Variants in MUC17 observed in about 807,000 individuals in gnomAD.
The protein encoded by MUC17 is mucin 17, cell surface associated.
Under a neutral mutation model 170.3 loss-of-function variants are expected in MUC17, and 190 were observed. That is an observed-to-expected ratio of 1.12 (90% CI 0.99 to 1.26). The LOEUF (loss-of-function observed/expected upper bound fraction) is 1.26, where lower values mean the gene tolerates loss of function less well. Ranked by LOEUF, MUC17 falls within the 50% of genes most tolerant of loss-of-function variation. The pLI, the probability that MUC17 is intolerant of heterozygous loss-of-function variation, is 0.00. For missense variants in MUC17, 6,415 were observed against 5,530.0 expected (o/e 1.16, Z -5.08); for synonymous variants, 2,325 against 2,002.5 (o/e 1.16, Z -4.30).
intron 1 of MUC17, among the ~76,000 whole-genome samples, chr7:101,028,064 C>T (rs1366130330): frequency 6.6e-6 from 1 of 150,904 alleles, no homozygotes; most frequent in Non-Finnish European, 1.5e-5. Context: ...TGAGCCACTG[C>T]ACCTCACCCT....
At chr7:101,046,001 T>C (rs1794833923) in intron 3 of MUC17, among the ~76,000 whole-genome samples, 1 of 152,226 alleles carries the variant, frequency 6.6e-6, no homozygotes, top group Non-Finnish European at 1.5e-5. Flanking sequence ...CATCTGCTTC[T>C]GTTGTTTCTG....
intron 1 of MUC17, among the ~76,000 whole-genome samples, chr7:101,023,812 T>C (rs1048525255): frequency 1.3e-5 from 2 of 152,222 alleles, no homozygotes; most frequent in African/African-American, 4.8e-5. Context: ...CTGTTTTCTA[T>C]AGAGGTTGTA....
At chr7:101,055,519 T>C (rs1795030077) in intron 11 of MUC17, among the ~76,000 whole-genome samples, 1 of 152,064 alleles carries the variant, frequency 6.6e-6, no homozygotes, top group Non-Finnish European at 1.5e-5. Flanking sequence ...AATCTCGAAA[T>C]AGATAAAGCA....
At chr7:101,057,787 G>T (rs1795073712) in intron 12 of MUC17, among the ~76,000 whole-genome samples, 1 of 152,138 alleles carries the variant, frequency 6.6e-6, no homozygotes, top group African/African-American at 2.4e-5. Flanking sequence ...GGCTGAGGTG[G>T]GAGGATTGCT....
rs1317041106 is a variant in MUC17 at position 101,034,507 on chromosome 7, A to G, written c.3091A>G (p.Ser1031Gly). The G allele has an allele frequency of 2.5e-6, 4 of 1,613,732 alleles. No individual in the cohort carries two copies. Among genetic ancestry groups the G allele is most frequent in the Non-Finnish European group, 3.4e-6 (4 of 1,179,750 alleles). ...ACCTCCTCCCACTGCTGAAGGTACCAGCATGCCAACCTCAACTCCTAGTGA... is the reference window on the plus strand; with the variant it reads ...ACCTCCTCCCACTGCTGAAGGTACCGGCATGCCAACCTCAACTCCTAGTGA... The part of the protein sequence containing the change: ...SSPPPTAEGT[S>G]MPTSTPSEGS... Residue 1031 changes from serine (S) to glycine (G), a missense_variant, in exon 3 of 13, where the codon AGC (serine) becomes GGC (glycine). By Grantham distance (56) the Ser-to-Gly change is moderately conservative (BLOSUM62 0). Coordinates refer to ENST00000306151, the MANE Select transcript of MUC17 (RefSeq NM_001040105.2).
chr7:101,051,133 A>G (rs1451145705), intron 7 of MUC17, among the ~76,000 whole-genome samples: 1 of 152,088 alleles, frequency 6.6e-6, no homozygotes. Flanking sequence ...TGGGAGGCTG[A>G]GACGGGCAGA....
intron 1 of MUC17, among the ~76,000 whole-genome samples, chr7:101,029,894 CG>C (rs2116400946): frequency 6.6e-6 from 1 of 152,112 alleles, no homozygotes; most frequent in African/African-American, 2.4e-5. Context: ...CCACCGTGCC[CG>C]ACCTCTTTTA....
At chr7:101,052,057 G>A (rs1192387579) in intron 9 of MUC17, 95 bp downstream of exon 9, 9 of 1,427,672 alleles carry the variant, frequency 6.3e-6, no homozygotes, top group African/African-American at 2.8e-5. Context: ...GGAGACCAAG[G>A]TCATGGGACT....
rs780133290 is a variant in MUC17 at position 101,039,317 on chromosome 7, C to T, written c.7901C>T (p.Ser2634Leu). 1 of 1,611,410 alleles carries T rather than the reference C, an allele frequency of 6.2e-7. No homozygotes were observed. Among genetic ancestry groups the T allele is most frequent in the Non-Finnish European group, 8.5e-7 (1 of 1,179,076 alleles). ...PISTPSEVSTSLTSILVSTMP... is the reference protein window; with the variant it reads ...PISTPSEVSTLLTSILVSTMP... ...TCAACTCCTAGTGAAGTAAGTACTT[C>T]ATTAACAAGTATACTTGTCAGCACC... The change falls in exon 3 of 13, where the codon TCA becomes TTA. Residue 2634 changes from serine (S) to leucine (L), a missense_variant. Ser to Leu is a moderately radical substitution (Grantham distance 145). Coordinates refer to ENST00000306151, the MANE Select transcript of MUC17 (RefSeq NM_001040105.2).
Position 101,032,476 on chromosome 7 carries a change from C to A in MUC17, c.1060C>A (p.Leu354Ile). 6.2e-7 allele frequency: 1 copy of A among 1,614,044 alleles called. No individual in the cohort carries two copies. The highest frequency in any genetic ancestry group is 8.5e-7 in the Non-Finnish European group (1 of 1,179,982). The change falls in exon 3 of 13, where the codon CTT becomes ATT. Residue 354 changes from leucine (L) to isoleucine (I), a missense_variant. Physicochemically the swap from Leu to Ile is conservative, Grantham distance 5 (BLOSUM62 2). Coordinates refer to ENST00000306151, the MANE Select transcript of MUC17 (RefSeq NM_001040105.2). ...MPVATSEMST[L>I]SITPVDTSTL... is the part of the protein sequence containing the mutation. ...GGTTGCCACTTCTGAAATGAGCACA[C>A]TTTCAATAACTCCTGTTGACACCAG...
intron 3 of MUC17, among the ~76,000 whole-genome samples, chr7:101,047,700 A>G (rs1213709863): frequency 1.3e-5 from 2 of 152,040 alleles, no homozygotes; most frequent in Non-Finnish European, 2.9e-5. Context: ...GTGTGGTGGC[A>G]CGCGCCTGTA....
Position 101,049,501 on chromosome 7 carries a change from C to A in MUC17, c.12722+119C>A, listed in dbSNP as rs930740727. The A allele has an allele frequency of 5.9e-6, 8 of 1,351,844 alleles. No individual in the cohort carries two copies. The East Asian group carries it at 1.9e-4, about 33-fold the overall frequency. The allele number at this position is 1,351,844 out of a possible 1,614,324, so 83.7% of individuals were successfully genotyped here. ...TGCCCAGGCAGCTATTGCAGAATACCACCGATGGGGCGGCTTAAACAACAG... is the reference window on the plus strand; with the variant it reads ...TGCCCAGGCAGCTATTGCAGAATACAACCGATGGGGCGGCTTAAACAACAG... On this transcript the variant is annotated intron_variant, in intron 6 of 12. Transcript: ENST00000306151.
intron 11 of MUC17, among the ~76,000 whole-genome samples, chr7:101,054,554 C>T (rs183407153): frequency 2.6e-5 from 4 of 152,240 alleles, no homozygotes; most frequent in East Asian, 1.9e-4. Context: ...GGAGGTGAGA[C>T]GCAGTGGCTC....
chr7:101,031,502 C>T lies in MUC17; in HGVS notation c.185-99C>T, dbSNP rs915353374. 5 of 1,282,196 alleles carry T rather than the reference C, an allele frequency of 3.9e-6. No homozygotes were observed. In the African/African-American group the frequency reaches 7.5e-5, roughly 19 times the overall value. 79.4% of individuals were successfully genotyped at this position (1,282,196 alleles called of 1,614,324 possible). A position where few individuals can be genotyped will look rare whatever the true frequency, so the allele number is the denominator to read the frequency against. On this transcript the variant is annotated intron_variant, in intron 2 of 12. Transcript: ENST00000306151. ...CCTGAAAACGGATGACATCCCTTAT[C>T]TGAACACATTTTCAGTAAAAAGCCC...
At chr7:101,021,213 C>T (rs1794073799) in intron 1 of MUC17, among the ~76,000 whole-genome samples, 1 of 143,388 alleles carries the variant, frequency 7.0e-6, no homozygotes, top group African/African-American at 2.7e-5. Context: ...TGAGACGGAG[C>T]CTCGCTCTGT....
chr7:101,034,989 G>A lies in MUC17; in HGVS notation c.3573G>A (p.Val1191=), dbSNP rs1794417958. 1.9e-6 allele frequency: 3 copies of A among 1,613,300 alleles called. No individual in the cohort carries two copies. The highest frequency in any genetic ancestry group is 1.3e-5 in the African/African-American group (1 of 74,708). ...CTCCTGTGGACTCCAAAACTCAGGTGGCCACTTCTACTGAAGCCAGTTCAC... is the reference window on the plus strand; with the variant it reads ...CTCCTGTGGACTCCAAAACTCAGGTAGCCACTTCTACTGAAGCCAGTTCAC... The part of the protein sequence containing the change: ...STTPVDSKTQ[V]ATSTEASSPP... Residue 1191 remains valine (V), a synonymous_variant, in exon 3 of 13, where the codon GTG becomes GTA. Transcript: ENST00000306151.
Position 101,035,660 on chromosome 7 carries a change from C to A in MUC17, c.4244C>A (p.Thr1415Asn). Residue 1415 changes from threonine to asparagine, a missense_variant, in exon 3 of 13, where the codon ACC becomes AAC. Coordinates refer to ENST00000306151, the MANE Select transcript of MUC17 (RefSeq NM_001040105.2). ...CCGGTAGTCAGTTCTGAGGCTAGCA[C>A]CCTTTCAGCAACTCCTGTTGACACC... ...TTPVVSSEASTLSATPVDTST... is the reference protein window; with the variant it reads ...TTPVVSSEASNLSATPVDTST... 1 of 1,609,218 alleles carries A rather than the reference C, an allele frequency of 6.2e-7. No individual in the cohort carries two copies. The highest frequency in any genetic ancestry group is 1.1e-5 in the South Asian group (1 of 90,298).
Position 101,039,451 on chromosome 7 carries a change from G to A in MUC17, c.8035G>A (p.Gly2679Ser), listed in dbSNP as rs1000004435. The A allele has an allele frequency of 1.9e-6, 3 of 1,611,318 alleles. No homozygotes were observed. The East Asian group carries it at 6.7e-5, about 36-fold the overall frequency. ...CAGTTCATCTCCTACAACTGCTGAA[G>A]GTAGCAGCATGCCAACCTCAACTCC... ...GTSSSPTTAE[G>S]SSMPTSTPGE... Residue 2679 changes from glycine (G) to serine (S), a missense_variant, in exon 3 of 13, where the codon GGT becomes AGT. By Grantham distance (56) the Gly-to-Ser change is moderately conservative (BLOSUM62 0). Coordinates refer to ENST00000306151, the MANE Select transcript of MUC17 (RefSeq NM_001040105.2).
rs1273924242 is a variant in MUC17, at chr7:101,041,211, T to G, written c.9795T>G (p.Thr3265=). The G allele has an allele frequency of 6.2e-7, 1 of 1,613,200 alleles. No individual in the cohort carries two copies. Among genetic ancestry groups the G allele is most frequent in the Admixed American group, 1.7e-5 (1 of 59,890 alleles). Reference sequence around the variant, plus strand: ...CTGAAGCCAGTTCATCTCCTCCCACTGCTGAAGGTACCAGCATGCCAACCT... The same window carrying G: ...CTGAAGCCAGTTCATCTCCTCCCACGGCTGAAGGTACCAGCATGCCAACCT... ...TSTEASSSPP[T]AEGTSMPTST... is the part of the protein sequence containing the mutation. The change falls in exon 3 of 13, where the codon ACT becomes ACG. Residue 3265 remains threonine, a synonymous_variant. Transcript: ENST00000306151.
Sources: allele counts gnomAD v4.1 joint callset (sites outside exome capture counted in the v4.1 genomes callset), GRCh38; gene constraint gnomAD v4.1.1; transcripts MANE v1.5; gene names NCBI Gene and HGNC (gene_info 2026-07-23, HGNC 2026-07-21).